The following SLFN12L variants were observed in gnomAD, a reference collection of about 807,000 sequenced individuals.
SLFN12L encodes the protein schlafen family member 12 like.
In SLFN12L, 34 loss-of-function variants were observed where a neutral mutation model predicts 34.8. That is an observed-to-expected ratio of 0.98 (90% confidence interval 0.74 to 1.30). The LOEUF is 1.30. Among genes scored for constraint, SLFN12L ranks in the 50% most tolerant of loss-of-function variants. The pLI, the probability that SLFN12L is intolerant of heterozygous loss-of-function variation, is 0.00. For missense variants in SLFN12L, 703 were observed against 696.2 expected (o/e 1.01, Z -0.11); for synonymous variants, 259 against 247.5 (o/e 1.05, Z -0.44).
At chr17:35,503,432 T>C (rs1256488500) in intron 2 of SLFN12L, among the ~76,000 whole-genome samples, 2 of 152,168 alleles carry the variant, frequency 1.3e-5, no homozygotes, top group African/African-American at 2.4e-5. Flanking sequence ...TGAATAAATA[T>C]GCCTACAAAG....
intron 1 of SLFN12L, among the ~76,000 whole-genome samples, chr17:35,529,612 C>A (rs1425212090): frequency 6.6e-6 from 1 of 151,608 alleles, no homozygotes; most frequent in East Asian, 1.9e-4. Flanking sequence ...CCAAATACCA[C>A]ATGTTCTCTC....
chr17:35,480,089 G>C lies in SLFN12L; in HGVS notation c.193C>G (p.Leu65Val). 1.2e-6 allele frequency: 2 copies of C among 1,613,944 alleles called. No individual in the cohort carries two copies. Among genetic ancestry groups the C allele is most frequent in the Non-Finnish European group, 1.7e-6 (2 of 1,180,006 alleles). Reference sequence around the variant, plus strand: ...ATTTTTTTTCTATTGTTCTCTCCAAGAGTGACTCTTCCCACATTTAGAACC... The same window carrying C: ...ATTTTTTTTCTATTGTTCTCTCCAACAGTGACTCTTCCCACATTTAGAACC... Reference protein sequence around the residue: ...ELVLNVGRVTLGENNRKKMKD... With the variant: ...ELVLNVGRVTVGENNRKKMKD... The change falls in exon 3 of 5, where the codon CTT (leucine) becomes GTT (valine). Residue 65 changes from leucine to valine, a missense_variant. Coordinates refer to ENST00000628453, the MANE Select transcript of SLFN12L (RefSeq NM_001363830.2).
intron 1 of SLFN12L, among the ~76,000 whole-genome samples, chr17:35,527,827 A>T (rs2072353135): frequency 6.6e-6 from 1 of 152,212 alleles, no homozygotes; most frequent in East Asian, 1.9e-4. Context: ...ACTCCTAGTC[A>T]ACATAGTATT....
chr17:35,490,831 C>A, intron 2 of SLFN12L: 1 of 1,214,172 alleles, frequency 8.2e-7, no homozygotes. Flanking sequence ...CCTACAAATA[C>A]ATTTGGCAGG....
At position 35,471,991 on chromosome 17, in the gene SLFN12L, T is replaced by A. The variant is rs926536814; in HGVS notation, c.*2932A>T. On this transcript the variant is annotated 3_prime_UTR_variant, in exon 5 of 5. Coordinates refer to ENST00000628453, the MANE Select transcript of SLFN12L (RefSeq NM_001363830.2). The stretch of plus-strand genomic sequence containing the variant: ...TGTCAGATGGGTAGATTGCAAAAAT[T>A]TTCTCCCATTCTGTAGGTTGTCCGT... Among the ~76,000 whole-genome samples, 1 of 152,186 alleles carries A rather than the reference T, an allele frequency of 6.6e-6. No homozygotes were observed. Among genetic ancestry groups the A allele is most frequent in the African/African-American group, 2.4e-5 (1 of 41,444 alleles).
intron 2 of SLFN12L, among the ~76,000 whole-genome samples, chr17:35,505,256 C>G (rs1915428109): frequency 6.6e-6 from 1 of 152,134 alleles, no homozygotes; most frequent in Non-Finnish European, 1.5e-5. Context: ...CTGACAAAAT[C>G]TTTAACACTA....
chr17:35,521,659 G>C (rs74704615), intron 2 of SLFN12L, among the ~76,000 whole-genome samples: 5,788 of 152,172 alleles, frequency 0.038, 224 homozygotes, highest in African/African-American at 0.097. Flanking sequence ...CAGGAGTTCA[G>C]GGATATGGTG....
chr17:35,491,646 GC>G (rs1194237551), intron 2 of SLFN12L, among the ~76,000 whole-genome samples: 1 of 152,178 alleles, frequency 6.6e-6, no homozygotes, highest in Admixed American at 6.5e-5. Context: ...TTCCTTAATA[GC>G]ATTTCAAGCC....
chr17:35,514,698 G>C, intron 2 of SLFN12L: 2 of 369,338 alleles, frequency 5.4e-6, no homozygotes, highest in Non-Finnish European at 5.2e-6. Context: ...TTGCCCTTCT[G>C]CTCAACTACC....
rs1477572105 is a variant in SLFN12L, at chr17:35,468,365, T to C, written c.*6558A>G. On this transcript the variant is annotated 3_prime_UTR_variant, in exon 5 of 5. Coordinates refer to ENST00000628453, the MANE Select transcript of SLFN12L (RefSeq NM_001363830.2). ...ACTTAAAAGAAATACTCAAGACCCA[T>C]ATCCTAGATGACATTTTCCTGGATA... is the stretch of plus-strand genomic sequence containing the variant. Among the ~76,000 whole-genome samples, 2 of 152,140 alleles carry C rather than the reference T, an allele frequency of 1.3e-5. No individual in the cohort carries two copies. Among genetic ancestry groups the C allele is most frequent in the Non-Finnish European group, 2.9e-5 (2 of 68,020 alleles).
rs1916030033 is a variant in SLFN12L at position 35,522,562 on chromosome 17, A to G, written c.-198T>C. 4 of 1,609,664 alleles carry G rather than the reference A, an allele frequency of 2.5e-6. No individual in the cohort carries two copies. Among genetic ancestry groups the G allele is most frequent in the East Asian group, 2.2e-5 (1 of 44,882 alleles). Reference sequence around the variant, plus strand: ...ACGAGGGACTGCAGCAGGGCTTCCAATGTGCTGGGTGCCTGCAAAACTATA... The same window carrying G: ...ACGAGGGACTGCAGCAGGGCTTCCAGTGTGCTGGGTGCCTGCAAAACTATA... On this transcript the variant is annotated 5_prime_UTR_variant, in exon 2 of 5. Coordinates refer to ENST00000628453, the MANE Select transcript of SLFN12L (RefSeq NM_001363830.2).
intron 2 of SLFN12L, among the ~76,000 whole-genome samples, chr17:35,481,152 C>A (rs1168796541): frequency 6.6e-6 from 1 of 152,224 alleles, no homozygotes. Context: ...GTAACACCAG[C>A]GCCAGGGAAG....
intron 2 of SLFN12L, among the ~76,000 whole-genome samples, chr17:35,485,104 TGA>T (rs771063886): frequency 6.6e-6 from 1 of 152,228 alleles, no homozygotes; most frequent in Non-Finnish European, 1.5e-5. Flanking sequence ...TGATTTTAGT[TGA>T]GTTTTTTCTT....
chr17:35,522,548 C>T lies in SLFN12L; in HGVS notation c.-184G>A. On this transcript the variant is annotated 5_prime_UTR_variant, in exon 2 of 5. Coordinates refer to ENST00000628453, the MANE Select transcript of SLFN12L (RefSeq NM_001363830.2). ...CGAGCAAGACAATCACGAGGGACTG[C>T]AGCAGGGCTTCCAATGTGCTGGGTG... 6.2e-7 allele frequency: 1 copy of T among 1,610,744 alleles called. No individual in the cohort carries two copies. Among genetic ancestry groups the T allele is most frequent in the Non-Finnish European group, 8.5e-7 (1 of 1,178,348 alleles).
In SLFN12L at chr17:35,512,359, A is replaced by ATT. The variant is rs35126425; in HGVS notation, c.86+9918_86+9919dup. 6.7e-4 allele frequency among the ~76,000 whole-genome samples: 36 copies of ATT among 53,862 alleles called. 3 individuals are homozygous for ATT. The highest frequency in any genetic ancestry group is 2.1e-3 in the East Asian group (3 of 1,436). The allele number at this position is 53,862 out of a possible 152,430, so 35.3% of individuals were successfully genotyped here. On this transcript the variant is annotated intron_variant, in intron 2 of 4. Coordinates refer to ENST00000628453, the MANE Select transcript of SLFN12L (RefSeq NM_001363830.2). ...TGGGAGAGAATTTAAAAAAGAGCTG[A>ATT]TTTTTTTTTTTTTTTTTTTTTTTTG...
intron 2 of SLFN12L, among the ~76,000 whole-genome samples, chr17:35,484,958 G>A (rs1914519605): frequency 6.6e-6 from 1 of 152,102 alleles, no homozygotes; most frequent in Non-Finnish European, 1.5e-5. Context: ...ACTCAGTGTT[G>A]GTAGGTGATG....
chr17:35,508,118 CCTGTT>C (rs1366158946), intron 2 of SLFN12L, among the ~76,000 whole-genome samples: 1 of 152,202 alleles, frequency 6.6e-6, no homozygotes, highest in Non-Finnish European at 1.5e-5. Flanking sequence ...AAATCCCTGT[CCTGTT>C]CTGTTCCGTT....
chr17:35,522,042 C>T (rs1041284074), intron 2 of SLFN12L, among the ~76,000 whole-genome samples: 1 of 152,038 alleles, frequency 6.6e-6, no homozygotes, highest in Non-Finnish European at 1.5e-5. Context: ...ATGGGTGCAG[C>T]ACACCAGCAT....
chr17:35,467,278 G>A lies in SLFN12L; in HGVS notation c.*7645C>T, dbSNP rs1489755020. Among the ~76,000 whole-genome samples, 1 of 152,190 alleles carries A rather than the reference G, an allele frequency of 6.6e-6. No individual in the cohort carries two copies. Among genetic ancestry groups the A allele is most frequent in the East Asian group, 1.9e-4 (1 of 5,202 alleles). On this transcript the variant is annotated 3_prime_UTR_variant, in exon 5 of 5. Coordinates refer to ENST00000628453, the MANE Select transcript of SLFN12L (RefSeq NM_001363830.2). ...AATATTACCGAATGCTGGATGCCCT[G>A]GCCAACAAATGGCCCCATCTCCATA...
Sources: gnomAD v4.1 joint callset for allele counts (sites outside exome capture counted in the v4.1 genomes callset) on GRCh38, gnomAD v4.1.1 for gene constraint, MANE v1.5 for transcripts, NCBI Gene and HGNC (gene_info 2026-07-23, HGNC 2026-07-21) for gene names.